Variants in PIK3R4 observed in about 807,000 individuals in gnomAD.
PIK3R4 encodes phosphoinositide-3-kinase regulatory subunit 4.
PIK3R4 carries 46 observed loss-of-function variants against 136.5 expected under a neutral mutation model. The observed-to-expected ratio is 0.34, with a 90% CI of 0.27 to 0.43. PIK3R4 has a LOEUF of 0.43. PIK3R4 is among the 20% of genes least tolerant of loss of function. The pLI, the probability that PIK3R4 is intolerant of heterozygous loss-of-function variation, is 1.00. For synonymous variants in PIK3R4, 557 were observed against 566.7 expected (o/e 0.98, Z 0.24); for missense variants, 1,331 against 1,649.5 (o/e 0.81, Z 3.35).
intron 6 of PIK3R4, among the ~76,000 whole-genome samples, chr3:130,725,661 T>G (rs912074335): frequency 6.6e-6 from 1 of 151,032 alleles, no homozygotes; most frequent in Non-Finnish European, 1.5e-5. Flanking sequence ...GATTCAAAAA[T>G]CAAGTTAAAG....
At chr3:130,741,325 C>G (rs1314922951) in intron 2 of PIK3R4, among the ~76,000 whole-genome samples, 1 of 152,162 alleles carries the variant, frequency 6.6e-6, no homozygotes, top group Non-Finnish European at 1.5e-5. Flanking sequence ...GGAAAGAGGT[C>G]TCAGAAGAAA....
At chr3:130,725,158 C>T (rs1187616109) in intron 6 of PIK3R4, among the ~76,000 whole-genome samples, 1 of 151,626 alleles carries the variant, frequency 6.6e-6, no homozygotes. Context: ...ATAGCTAAAA[C>T]TATTTTGAAA....
At position 130,707,131 on chromosome 3, in the gene PIK3R4, T is replaced by G; in HGVS notation, c.2538A>C (p.Arg846Ser). 6.2e-7 allele frequency: 1 copy of G among 1,600,244 alleles called. No homozygotes were observed. Among genetic ancestry groups the G allele is most frequent in the Non-Finnish European group, 8.5e-7 (1 of 1,173,902 alleles). The change falls in exon 11 of 20, where the codon AGA (arginine) becomes AGC (serine). Residue 846 changes from arginine (R) to serine (S), a missense_variant. Physicochemically the swap from Arg to Ser is moderately radical, Grantham distance 110. Transcript: ENST00000356763. ...CATTTGAGTCTTGTTTTACATGTTT[T>G]CTGGCTATGAAAATATATTCAGAAT... is the stretch of plus-strand genomic sequence containing the variant. ...TKQEPDDKRARKHVKQDSNVN... is the reference protein window; with the variant it reads ...TKQEPDDKRASKHVKQDSNVN...
chr3:130,722,099 G>A (rs2066704356), intron 7 of PIK3R4, among the ~76,000 whole-genome samples: 1 of 152,092 alleles, frequency 6.6e-6, no homozygotes, highest in Admixed American at 6.6e-5. Flanking sequence ...TGAGAGAGAT[G>A]TATATAGTCT....
chr3:130,746,030 T>TA (rs796537614), intron 1 of PIK3R4, among the ~76,000 whole-genome samples: 7,611 of 125,426 alleles, frequency 0.061, 422 homozygotes, highest in African/African-American at 0.16. Flanking sequence ...TCTCAAAAAA[T>TA]AAAAAAAAAA....
At position 130,718,377 on chromosome 3, in the gene PIK3R4, G is replaced by C; in HGVS notation, c.2127+12C>G. 6.2e-7 allele frequency: 1 copy of C among 1,601,492 alleles called. No individual in the cohort carries two copies. The highest frequency in any genetic ancestry group is 1.1e-5 in the South Asian group (1 of 89,080). ...TGGAGGAAAGACTGACTCCAACTTG[G>C]AACATGTATACCTGTATTATTGGTT... On this transcript the variant is annotated intron_variant, in intron 8 of 19. Coordinates refer to ENST00000356763, the MANE Select transcript of PIK3R4 (RefSeq NM_014602.3).
intron 7 of PIK3R4, 119 bp downstream of exon 7, chr3:130,723,295 A>T: frequency 1.2e-6 from 1 of 812,456 alleles, no homozygotes; most frequent in Non-Finnish European, 1.9e-6. Context: ...CCACACAATC[A>T]ATAGTAGGAA....
chr3:130,719,432 T>C (rs2066686198), intron 7 of PIK3R4, among the ~76,000 whole-genome samples: 1 of 152,214 alleles, frequency 6.6e-6, no homozygotes, highest in Non-Finnish European at 1.5e-5. Context: ...AGGCTAATAA[T>C]ACTTATATTA....
intron 8 of PIK3R4, among the ~76,000 whole-genome samples, chr3:130,717,531 T>C (rs2066672408): frequency 6.7e-6 from 1 of 149,292 alleles, no homozygotes; most frequent in African/African-American, 2.5e-5. Context: ...GCTCTTGGGG[T>C]AAAAATAAAA....
intron 2 of PIK3R4, 27 bp downstream of exon 2, chr3:130,744,459 C>T (rs2066841874): frequency 6.4e-7 from 1 of 1,570,246 alleles, no homozygotes; most frequent in Non-Finnish European, 8.6e-7. Context: ...CACATGCTCC[C>T]TTAGCAAATG....
At chr3:130,731,450 T>A (rs1228351116) in intron 4 of PIK3R4, among the ~76,000 whole-genome samples, 3 of 152,068 alleles carry the variant, frequency 2.0e-5, no homozygotes, top group Non-Finnish European at 2.9e-5. Flanking sequence ...CTGAATAGAA[T>A]AAAAATTTAC....
At position 130,690,631 on chromosome 3, in the gene PIK3R4, A is replaced by G; in HGVS notation, c.3122T>C (p.Ile1041Thr). The G allele has an allele frequency of 1.2e-6, 2 of 1,608,476 alleles. No homozygotes were observed. The highest frequency in any genetic ancestry group is 1.7e-6 in the Non-Finnish European group (2 of 1,175,644). ...TTRSILTYSR[I>T]GGRVKTLTFC... ...TGTGAGCGTCTTGACTCGTCCTCCA[A>G]TTCGGCTGTATGTAAGAATAGATCT... Residue 1041 changes from isoleucine to threonine, a missense_variant, in exon 14 of 20, where the codon ATT (isoleucine) becomes ACT (threonine). Ile to Thr is a moderately conservative substitution (Grantham distance 89, BLOSUM62 -1). Coordinates refer to ENST00000356763, the MANE Select transcript of PIK3R4 (RefSeq NM_014602.3).
At chr3:130,684,655 A>G (rs918147144) in intron 15 of PIK3R4, among the ~76,000 whole-genome samples, 1 of 152,240 alleles carries the variant, frequency 6.6e-6, no homozygotes, top group South Asian at 2.1e-4. Flanking sequence ...TGACATTGTT[A>G]TTAATTGCCG....
chr3:130,718,427 G>A lies in PIK3R4; in HGVS notation c.2089C>T (p.Pro697Ser), dbSNP rs1207605242. The A allele has an allele frequency of 1.2e-6, 2 of 1,613,276 alleles. No individual in the cohort carries two copies. Among genetic ancestry groups the A allele is most frequent in the African/African-American group, 1.3e-5 (1 of 74,866 alleles). Residue 697 changes from proline (P) to serine (S), a missense_variant, in exon 8 of 20, where the codon CCT becomes TCT. Pro to Ser is a moderately conservative substitution (Grantham distance 74). Around this residue, in one of 2 missense-constraint regions of PIK3R4, gnomAD observed 1,180 missense variants for 1,407.0 expected, o/e 0.84. Coordinates refer to ENST00000356763, the MANE Select transcript of PIK3R4 (RefSeq NM_014602.3). ...TGGGTAATATATGGGTCAAGATAAG[G>A]CATCAGTTTACAGTAGACATCAGCT... Reference protein sequence around the residue: ...STADVYCKLMPYLDPYITQPI... With the variant: ...STADVYCKLMSYLDPYITQPI...
Position 130,723,469 on chromosome 3 carries a change from C to T in PIK3R4, c.1926G>A (p.Met642Ile), listed in dbSNP as rs750026228. Residue 642 changes from methionine to isoleucine, a missense_variant, in exon 7 of 20, where the codon ATG becomes ATA. Around this residue, in one of 2 missense-constraint regions of PIK3R4, gnomAD observed 1,180 missense variants for 1,407.0 expected, o/e 0.84. Coordinates refer to ENST00000356763, the MANE Select transcript of PIK3R4 (RefSeq NM_014602.3). ...IVKALYALTCMCQLGLLQKPH... is the reference protein window; with the variant it reads ...IVKALYALTCICQLGLLQKPH... ...GTTTTTGTAGCAGTCCTAACTGGCA[C>T]ATACAAGTAAGGGCATAAAGAGCTT... 1 of 1,613,464 alleles carries T rather than the reference C, an allele frequency of 6.2e-7. No individual in the cohort carries two copies. Among genetic ancestry groups the T allele is most frequent in the Admixed American group, 1.7e-5 (1 of 59,956 alleles).
intron 14 of PIK3R4, 127 bp from the exon 15 acceptor site, chr3:130,686,549 G>A (rs748821207): frequency 3.7e-4 from 226 of 607,996 alleles, no homozygotes; most frequent in Non-Finnish European, 6.2e-4. Flanking sequence ...TCAAGAAAAC[G>A]AAAGCCGACA....
In PIK3R4 at chr3:130,697,063, C is replaced by CTTTTT. The variant is rs60432343; in HGVS notation, c.3099-6414_3099-6410dup. Reference sequence around the variant, plus strand: ...TTCTATCTGACATTGGCCACTCCAGCTTTTTTTTTTTTTTTTTTTTTTTTT... The same window carrying CTTTTT: ...TTCTATCTGACATTGGCCACTCCAGCTTTTTTTTTTTTTTTTTTTTTTTTTTTTTT... On this transcript the variant is annotated intron_variant, in intron 13 of 19. Transcript: ENST00000356763. 2.3e-3 allele frequency among the ~76,000 whole-genome samples: 170 copies of CTTTTT among 73,068 alleles called. 4 individuals are homozygous for CTTTTT. The highest frequency in any genetic ancestry group is 3.6e-3 in the African/African-American group (57 of 15,966). 47.9% of individuals were successfully genotyped at this position (73,068 alleles called of 152,430 possible). A position where few individuals can be genotyped will look rare whatever the true frequency, so the allele number is the denominator to read the frequency against.
intron 7 of PIK3R4, among the ~76,000 whole-genome samples, chr3:130,723,039 GGTGACAGAGTGAGAGACTGTC>G (rs1365195496): frequency 8.9e-6 from 1 of 112,616 alleles, no homozygotes; most frequent in African/African-American, 3.6e-5. Context: ...CTCCAGCCTG[GGTGACAGAGTGAGAGACTGTC>G]GCAAAAAAAA....
intron 17 of PIK3R4, 102 bp from the exon 18 acceptor site, chr3:130,681,167 C>T: frequency 1.3e-6 from 1 of 754,866 alleles, no homozygotes; most frequent in South Asian, 1.5e-5. Flanking sequence ...GCTTTACAAG[C>T]ACCTGGTTAA....
Sources: gnomAD v4.1 joint callset for allele counts (sites outside exome capture counted in the v4.1 genomes callset) on GRCh38, gnomAD v4.1.1 for gene constraint, gnomAD v4.1.1 regional missense constraint, MANE v1.5 for transcripts, NCBI Gene and HGNC (gene_info 2026-07-23, HGNC 2026-07-21) for gene names.